DNAJB4: variants seen among roughly 807,000 people sequenced by gnomAD.
The protein encoded by DNAJB4 is dnaJ homolog subfamily B member 4.
In DNAJB4, 10 loss-of-function variants were observed where a neutral mutation model predicts 26.6. That is an observed-to-expected ratio of 0.38 (90% CI 0.23 to 0.64). The LOEUF is 0.64. Among genes scored for constraint, DNAJB4 ranks in the 30% least tolerant of loss-of-function variants. The pLI, the probability that DNAJB4 is intolerant of heterozygous loss-of-function variation, is 0.58. For missense variants in DNAJB4, 328 were observed against 408.2 expected (o/e 0.80, Z 1.69); for synonymous variants, 136 against 134.8 (o/e 1.01, Z -0.06).
chr1:78,007,848 C>T (rs1469127080), intron 1 of DNAJB4, among the ~76,000 whole-genome samples: 1 of 152,136 alleles, frequency 6.6e-6, no homozygotes, highest in East Asian at 1.9e-4. Context: ...TATGGAAACA[C>T]TATTAATTTA....
intron 1 of DNAJB4, among the ~76,000 whole-genome samples, chr1:78,012,352 C>CG (rs1660509461): frequency 6.6e-6 from 1 of 150,742 alleles, no homozygotes; most frequent in South Asian, 2.1e-4. Context: ...TTAGTGGAGG[C>CG]GGGGTTTCAC....
At chr1:78,007,877 G>A (rs539954754) in intron 1 of DNAJB4, among the ~76,000 whole-genome samples, 1 of 152,196 alleles carries the variant, frequency 6.6e-6, no homozygotes, top group East Asian at 1.9e-4. Flanking sequence ...CCTTCTTCCC[G>A]CTCCCCCCAA....
At position 78,013,372 on chromosome 1, in the gene DNAJB4, G is replaced by A. The variant is rs375174877; in HGVS notation, c.533G>A (p.Arg178Gln). 5.6e-6 allele frequency: 9 copies of A among 1,614,104 alleles called. No homozygotes were observed. Among genetic ancestry groups the A allele is most frequent in the African/African-American group, 1.3e-5 (1 of 75,014 alleles). Residue 178 changes from arginine to glutamine, a missense_variant, in exon 2 of 3, where the codon CGG becomes CAG. By Grantham distance (43) the Arg-to-Gln change is conservative (BLOSUM62 1). Transcript: ENST00000370763. ...LEEIYSGCTKRMKISRKRLNA... is the reference protein window; with the variant it reads ...LEEIYSGCTKQMKISRKRLNA... ...GAGATATATAGTGGTTGTACCAAAC[G>A]GATGAAGATTTCTCGAAAAAGGCTA...
chr1:78,014,852 C>T (rs980510779), intron 2 of DNAJB4, among the ~76,000 whole-genome samples: 15 of 151,852 alleles, frequency 9.9e-5, no homozygotes, highest in South Asian at 8.3e-4. Flanking sequence ...CCGCCCACCT[C>T]GGCCTCCCAA....
chr1:78,004,231 T>C (rs562284408), upstream of DNAJB4: 2 of 152,326 alleles, frequency 1.3e-5, no homozygotes, highest in African/African-American at 4.8e-5. Flanking sequence ...AGTTTTAGTT[T>C]AGTTGAAGTA....
At chr1:77,981,344 A>G (rs1659640363) in intron 1 of DNAJB4, 1 of 147,438 alleles carries the variant, frequency 6.8e-6, no homozygotes, top group Admixed American at 6.7e-5. Flanking sequence ...TTTGAGACGG[A>G]CTCACCCTGT....
At chr1:78,012,291 T>A (rs1303057576) in intron 1 of DNAJB4, among the ~76,000 whole-genome samples, 1 of 149,800 alleles carries the variant, frequency 6.7e-6, no homozygotes, top group Non-Finnish European at 1.5e-5. Flanking sequence ...GCCTCCTGAG[T>A]AGCTAGTATT....
At chr1:77,993,576 A>G (rs1221207073) in intron 1 of DNAJB4, among the ~76,000 whole-genome samples, 1 of 152,100 alleles carries the variant, frequency 6.6e-6, no homozygotes, top group Non-Finnish European at 1.5e-5. Context: ...TTGGCCTTCT[A>G]AGGTGCTGGG....
intron 1 of DNAJB4, among the ~76,000 whole-genome samples, chr1:77,983,508 C>T (rs974787647): frequency 6.6e-6 from 1 of 152,156 alleles, no homozygotes; most frequent in Non-Finnish European, 1.5e-5. Context: ...TTGGACAATA[C>T]CTGGCTTTCG....
At chr1:78,005,836 A>G (rs564796675) in intron 1 of DNAJB4, among the ~76,000 whole-genome samples, 1 of 152,348 alleles carries the variant, frequency 6.6e-6, no homozygotes, top group South Asian at 2.1e-4. Context: ...TTTAGACTGA[A>G]CAAGACAGAG....
intron 1 of DNAJB4, among the ~76,000 whole-genome samples, chr1:77,999,067 T>C (rs1022979814): frequency 5.3e-5 from 8 of 152,176 alleles, no homozygotes; most frequent in African/African-American, 1.9e-4. Flanking sequence ...TAGCAATCTA[T>C]GGTAATGATA....
intron 1 of DNAJB4, among the ~76,000 whole-genome samples, chr1:77,999,322 T>C (rs1557505849): frequency 6.6e-6 from 1 of 152,192 alleles, no homozygotes; most frequent in Admixed American, 6.5e-5. Flanking sequence ...GAAAAGCTCT[T>C]TGAAATCTTA....
At chr1:77,986,168 C>T (rs1048913762) in intron 1 of DNAJB4, among the ~76,000 whole-genome samples, 16 of 152,132 alleles carry the variant, frequency 1.1e-4, no homozygotes, top group Admixed American at 7.9e-4. Flanking sequence ...CTGTTTATAT[C>T]TTGGGGTAAA....
intron 1 of DNAJB4, among the ~76,000 whole-genome samples, chr1:77,996,572 ATT>A (rs1481193092): frequency 6.6e-6 from 1 of 152,070 alleles, no homozygotes; most frequent in African/African-American, 2.4e-5. Context: ...GTACTTTTTA[ATT>A]TTTTAAACAA....
rs370451657 is a variant in DNAJB4 at position 78,014,758 on chromosome 1, G to A, written c.780+1139G>A. Among the ~76,000 whole-genome samples, 7 of 151,896 alleles carry A rather than the reference G, an allele frequency of 4.6e-5. No individual in the cohort carries two copies. The East Asian group carries it at 1.2e-3, about 25-fold the overall frequency. Reference sequence around the variant, plus strand: ...TGGGATTACAGGTGCCCGCCACCATGCCCAGCTGATTTTCATATTTTTAGT... The same window carrying A: ...TGGGATTACAGGTGCCCGCCACCATACCCAGCTGATTTTCATATTTTTAGT... On this transcript the variant is annotated intron_variant, in intron 2 of 2. Transcript: ENST00000370763.
chr1:78,008,460 T>A (rs1191456677), intron 1 of DNAJB4, among the ~76,000 whole-genome samples: 8 of 152,166 alleles, frequency 5.3e-5, no homozygotes. Context: ...CCTCAGAAAC[T>A]ATGCTAAATT....
intron 1 of DNAJB4, among the ~76,000 whole-genome samples, chr1:77,987,620 A>G (rs1659823927): frequency 6.6e-6 from 1 of 151,886 alleles, no homozygotes; most frequent in African/African-American, 2.4e-5. Context: ...TCCCCTCTCT[A>G]TTTTAGTAAG....
At chr1:77,988,375 T>C (rs1327360015) in intron 1 of DNAJB4, among the ~76,000 whole-genome samples, 1 of 152,194 alleles carries the variant, frequency 6.6e-6, no homozygotes, top group Non-Finnish European at 1.5e-5. Context: ...CTGTTAAGAA[T>C]CAAAGTGACC....
intron 1 of DNAJB4, among the ~76,000 whole-genome samples, chr1:77,998,065 G>T (rs754094927): frequency 6.6e-6 from 1 of 152,126 alleles, no homozygotes; most frequent in Non-Finnish European, 1.5e-5. Context: ...GTGAGCCACC[G>T]CACCGGCCTC....
Sources: gnomAD v4.1 joint callset for allele counts (sites outside exome capture counted in the v4.1 genomes callset) on GRCh38, gnomAD v4.1.1 for gene constraint, MANE v1.5 for transcripts, NCBI Gene and HGNC (gene_info 2026-07-23, HGNC 2026-07-21) for gene names.